SCUBE2: variants seen among roughly 807,000 people sequenced by gnomAD.
SCUBE2 encodes signal peptide, CUB domain and EGF like domain containing 2.
SCUBE2 carries 114 observed loss-of-function variants against 125.9 expected under a neutral mutation model. That is an observed-to-expected ratio of 0.91 (90% confidence interval 0.78 to 1.06). The LOEUF is 1.06. Among genes scored for constraint, SCUBE2 ranks in the 50% least tolerant of loss-of-function variants. The pLI is 0.00. For missense variants in SCUBE2, 1,255 were observed against 1,301.8 expected (o/e 0.96, Z 0.55); for synonymous variants, 459 against 492.9 (o/e 0.93, Z 0.91).
At chr11:9,065,828 C>T (rs1564835183) in intron 7 of SCUBE2, 63 bp downstream of exon 7, 2 of 1,410,850 alleles carry the variant, frequency 1.4e-6, no homozygotes, top group South Asian at 1.2e-5. Context: ...AGGTCTGATG[C>T]AATAAGTTGG....
At chr11:9,060,860 G>C (rs1267536984) in intron 7 of SCUBE2, among the ~76,000 whole-genome samples, 2 of 152,228 alleles carry the variant, frequency 1.3e-5, no homozygotes, top group Non-Finnish European at 1.5e-5. Context: ...GGCTAGAGGT[G>C]AGTGCAGAAC....
intron 2 of SCUBE2, among the ~76,000 whole-genome samples, chr11:9,085,546 G>A (rs903384334): frequency 2.6e-5 from 4 of 152,134 alleles, no homozygotes; most frequent in Non-Finnish European, 5.9e-5. Flanking sequence ...CTAACACGGT[G>A]AAACCCCGTC....
chr11:9,030,772 T>A lies in SCUBE2; in HGVS notation c.2327A>T (p.Asp776Val). The change falls in exon 18 of 23, where the codon GAC becomes GTC. Residue 776 changes from aspartate to valine, a missense_variant. This residue lies in a region of SCUBE2 where 515 missense variants were observed against 515.7 expected (regional missense o/e 1.00). Coordinates refer to ENST00000649792, the MANE Select transcript of SCUBE2 (RefSeq NM_001367977.2). ...CAAGTACTCACCTCTGGTTTCACAG[T>A]CCTGAAAGGAAGTAGCTCCCTGATG... ...TKHQGATSFQ[D>V]CETRVQCSPG... 6.2e-7 allele frequency: 1 copy of A among 1,613,796 alleles called. No homozygotes were observed. Among genetic ancestry groups the A allele is most frequent in the Non-Finnish European group, 8.5e-7 (1 of 1,179,888 alleles).
At chr11:9,055,531 C>G (rs1195880066) in intron 10 of SCUBE2, among the ~76,000 whole-genome samples, 1 of 152,208 alleles carries the variant, frequency 6.6e-6, no homozygotes, top group African/African-American at 2.4e-5. Context: ...GCAAGTCAAT[C>G]AAGTCGATAG....
At chr11:9,023,854 G>A (rs1262334180) in intron 21 of SCUBE2, among the ~76,000 whole-genome samples, 1 of 152,220 alleles carries the variant, frequency 6.6e-6, no homozygotes, top group Non-Finnish European at 1.5e-5. Context: ...AGTCAGCAAT[G>A]CTCAATGTGT....
chr11:9,066,244 A>C (rs1398182856), intron 6 of SCUBE2, among the ~76,000 whole-genome samples: 1 of 152,234 alleles, frequency 6.6e-6, no homozygotes. Context: ...TGCAAGCTTC[A>C]GTCCCCTGAG....
At chr11:9,084,088 C>T (rs1861872536) in intron 2 of SCUBE2, among the ~76,000 whole-genome samples, 1 of 151,898 alleles carries the variant, frequency 6.6e-6, no homozygotes, top group Admixed American at 6.6e-5. Context: ...CTTGGAGAAG[C>T]AGTTCATTCC....
intron 4 of SCUBE2, among the ~76,000 whole-genome samples, chr11:9,072,260 G>A (rs1307946785): frequency 6.6e-6 from 1 of 152,154 alleles, no homozygotes; most frequent in Non-Finnish European, 1.5e-5. Flanking sequence ...CCAGGCTGGA[G>A]TGCAGTGGCA....
chr11:9,074,024 G>A (rs1278443139), intron 4 of SCUBE2, among the ~76,000 whole-genome samples: 2 of 152,202 alleles, frequency 1.3e-5, no homozygotes, highest in African/African-American at 2.4e-5. Flanking sequence ...TGGAAGGGCC[G>A]GATCTAGCTT....
intron 13 of SCUBE2, among the ~76,000 whole-genome samples, chr11:9,051,030 G>C (rs1230858999): frequency 6.6e-6 from 1 of 152,164 alleles, no homozygotes; most frequent in Non-Finnish European, 1.5e-5. Flanking sequence ...GGGCATGGTG[G>C]CACATGCCTG....
rs1226849319 is a variant in SCUBE2, at chr11:9,019,881, T to TAAAG, written c.*1160_*1163dup. On this transcript the variant is annotated 3_prime_UTR_variant, in exon 23 of 23. Coordinates refer to ENST00000649792, the MANE Select transcript of SCUBE2 (RefSeq NM_001367977.2). ...ATTTTTGCTTGGGGATTTAAATGTT[T>TAAAG]AAAGATTCAATAACACTGAAAATTC... Among the ~76,000 whole-genome samples the TAAAG allele has an allele frequency of 6.6e-6, 1 of 152,218 alleles. No homozygotes were observed. The highest frequency in any genetic ancestry group is 1.5e-5 in the Non-Finnish European group (1 of 68,038).
chr11:9,062,853 GA>G (rs77716079), intron 7 of SCUBE2, among the ~76,000 whole-genome samples: 6,335 of 138,782 alleles, frequency 0.046, 323 homozygotes, highest in African/African-American at 0.13. Flanking sequence ...GGAGAGAAAA[GA>G]AAAAAAAAAA....
chr11:9,079,326 G>A (rs1861444876), intron 3 of SCUBE2, 58 bp downstream of exon 3: 12 of 1,604,038 alleles, frequency 7.5e-6, no homozygotes, highest in Non-Finnish European at 1.0e-5. Context: ...TCTTCACCAA[G>A]GGAAAGAAAG....
Position 9,021,875 on chromosome 11 carries a change from C to T in SCUBE2, c.2934+1G>A. 3 of 1,611,584 alleles carry T rather than the reference C, an allele frequency of 1.9e-6. No individual in the cohort carries two copies. The highest frequency in any genetic ancestry group is 2.5e-6 in the Non-Finnish European group (3 of 1,177,934). ...CATGTCCACCTGAGCCAGGCACTCA[C>T]CTTAAGTATTTCCTGATGGTTCTCA... On this transcript the variant is annotated splice_donor_variant, in intron 22 of 22. Coordinates refer to ENST00000649792, the MANE Select transcript of SCUBE2 (RefSeq NM_001367977.2). LOFTEE classifies it high-confidence loss of function.
At chr11:9,076,389 C>T (rs905470892) in intron 3 of SCUBE2, among the ~76,000 whole-genome samples, 1 of 152,062 alleles carries the variant, frequency 6.6e-6, no homozygotes, top group Admixed American at 6.6e-5. Flanking sequence ...GCTACACTTA[C>T]TGACTTGCAG....
At position 9,027,357 on chromosome 11, in the gene SCUBE2, G is replaced by A; in HGVS notation, c.2701+7C>T. The stretch of plus-strand genomic sequence containing the variant: ...CCTGAGAAAGGGAGGGAGGGAGTGA[G>A]ACGCACAGGTTTTCCGCATCACCAG... On this transcript the variant is annotated splice_region_variant and intron_variant, in intron 20 of 22. Transcript: ENST00000649792. The A allele has an allele frequency of 2.5e-6, 4 of 1,613,652 alleles. No homozygotes were observed. The highest frequency in any genetic ancestry group is 3.4e-6 in the Non-Finnish European group (4 of 1,179,842).
At chr11:9,061,259 T>C (rs987506472) in intron 7 of SCUBE2, among the ~76,000 whole-genome samples, 2 of 149,194 alleles carry the variant, frequency 1.3e-5, no homozygotes, top group Non-Finnish European at 3.0e-5. Flanking sequence ...CTTTAAAGGC[T>C]GGGGGTGGGG....
chr11:9,064,526 T>C (rs1180848356), intron 7 of SCUBE2: 1 of 151,886 alleles, frequency 6.6e-6, no homozygotes, highest in African/African-American at 2.4e-5. Context: ...CCTTCATTTT[T>C]TTCAGAAATA....
Position 9,027,455 on chromosome 11 carries a change from T to G in SCUBE2, c.2610A>C (p.Pro870=), listed in dbSNP as rs1589994869. The change falls in exon 20 of 23, where the codon CCA becomes CCC. Residue 870 remains proline (P), a synonymous_variant. Coordinates refer to ENST00000649792, the MANE Select transcript of SCUBE2 (RefSeq NM_001367977.2). ...CGATCAGGATGCGGCGCTTGGGGGG[T>G]GGGTTGATGGTCCACGTACACTCGG... is the stretch of plus-strand genomic sequence containing the variant. The part of the protein sequence containing the change: ...ANTECTWTIN[P]PPKRRILIVV... 6.2e-7 allele frequency: 1 copy of G among 1,612,952 alleles called. No individual in the cohort carries two copies.
Sources: gnomAD v4.1 joint callset for allele counts (sites outside exome capture counted in the v4.1 genomes callset) on GRCh38, gnomAD v4.1.1 for gene constraint, gnomAD v4.1.1 regional missense constraint, MANE v1.5 for transcripts, NCBI Gene and HGNC (gene_info 2026-07-23, HGNC 2026-07-21) for gene names.